Variants in IGSF5 observed in about 807,000 individuals in gnomAD.
IGSF5 encodes the protein immunoglobulin superfamily member 5.
IGSF5 carries 41 observed loss-of-function variants against 39.4 expected under a neutral mutation model. That is an observed-to-expected ratio of 1.04 (90% CI 0.81 to 1.35). The LOEUF is 1.35. IGSF5 is among the 40% of genes most tolerant of loss of function. The probability of loss-of-function intolerance (pLI) is 0.00; values close to 1 mark genes in which losing one functional copy is unlikely to be tolerated. For missense variants in IGSF5, 487 were observed against 494.6 expected, an observed-to-expected ratio of 0.98 and a Z score of 0.15; for synonymous variants, 183 against 175.3, an observed-to-expected ratio of 1.04 and a Z score of -0.34.
At chr21:39,776,207 G>GATATAT (rs150607847) in intron 4 of IGSF5, among the ~76,000 whole-genome samples, 3 of 150,282 alleles carry the variant, frequency 2.0e-5, no homozygotes, top group Non-Finnish European at 4.4e-5. Flanking sequence ...TATGTGTATA[G>GATATAT]ATATAAAATA....
At chr21:39,719,861 TC>T in the IGSF5 span, among the ~76,000 whole-genome samples, 1 of 152,190 alleles carries the variant, frequency 6.6e-6, no homozygotes, top group Non-Finnish European at 1.5e-5. Context: ...GGGAGTCATT[TC>T]CACTGGCAAC....
upstream of IGSF5, among the ~76,000 whole-genome samples, chr21:39,743,937 C>T (rs2079959191): frequency 6.6e-6 from 1 of 152,086 alleles, no homozygotes; most frequent in Admixed American, 6.6e-5. Flanking sequence ...CTCCAGAATA[C>T]ATCTTAGGGG....
At chr21:39,783,150 A>G (rs1189387517) in intron 5 of IGSF5, among the ~76,000 whole-genome samples, 1 of 152,198 alleles carries the variant, frequency 6.6e-6, no homozygotes, top group Non-Finnish European at 1.5e-5. Context: ...TTGATTTCAT[A>G]TCTTAGCTAT....
At chr21:39,754,658 A>G (rs7275753) in intron 2 of IGSF5, among the ~76,000 whole-genome samples, 16,371 of 152,174 alleles carry the variant, frequency 0.11, 2,869 homozygotes, top group African/African-American at 0.37. Flanking sequence ...AAGACTAAAG[A>G]CTTTAAGAAT....
chr21:39,713,953 C>G, the IGSF5 span, among the ~76,000 whole-genome samples: 3 of 152,236 alleles, frequency 2.0e-5, no homozygotes, highest in African/African-American at 7.2e-5. Flanking sequence ...AGTGGACCAA[C>G]ATGATGCACT....
At chr21:39,759,832 C>G (rs1460799700) in intron 2 of IGSF5, among the ~76,000 whole-genome samples, 1 of 150,454 alleles carries the variant, frequency 6.6e-6, no homozygotes, top group Non-Finnish European at 1.5e-5. Context: ...GTGACACTGC[C>G]CTCCAGCTTG....
intron 3 of IGSF5, among the ~76,000 whole-genome samples, chr21:39,770,321 G>A (rs550263279): frequency 6.6e-6 from 1 of 152,112 alleles, no homozygotes; most frequent in Non-Finnish European, 1.5e-5. Flanking sequence ...ATTTGGGTTA[G>A]TTATTTCTGT....
intron 2 of IGSF5, among the ~76,000 whole-genome samples, chr21:39,748,121 G>A (rs2079984761): frequency 6.6e-6 from 1 of 151,936 alleles, no homozygotes; most frequent in Admixed American, 6.6e-5. Flanking sequence ...CTAGAAGCAG[G>A]GTGGGTTAAA....
intron 2 of IGSF5, among the ~76,000 whole-genome samples, chr21:39,765,208 A>G (rs528609754): frequency 2.0e-4 from 30 of 152,324 alleles, no homozygotes; most frequent in African/African-American, 7.2e-4. Flanking sequence ...TTTCATCTTG[A>G]GATCCTTACC....
chr21:39,733,437 C>T, the IGSF5 span, among the ~76,000 whole-genome samples: 1,854 of 152,160 alleles, frequency 0.012, 22 homozygotes, highest in Middle Eastern at 0.031. Context: ...CTTCTAATAG[C>T]GAAAGTGGTG....
chr21:39,757,300 C>T (rs1249075796), intron 2 of IGSF5, among the ~76,000 whole-genome samples: 1 of 146,256 alleles, frequency 6.8e-6, no homozygotes, highest in Admixed American at 7.1e-5. Context: ...AATGTGAGCT[C>T]ATGAGGGCAG....
chr21:39,760,923 A>G (rs2080058737), intron 2 of IGSF5, among the ~76,000 whole-genome samples: 2 of 152,154 alleles, frequency 1.3e-5, no homozygotes, highest in Non-Finnish European at 2.9e-5. Context: ...ATCCTAAATG[A>G]TGGAAATCTT....
the IGSF5 span, among the ~76,000 whole-genome samples, chr21:39,718,289 A>G: frequency 0.11 from 16,221 of 152,086 alleles, 1,151 homozygotes; most frequent in East Asian, 0.22. Flanking sequence ...CATGTCATCT[A>G]CAAAAAGAGA....
At chr21:39,729,050 A>T in the IGSF5 span, 1 of 152,288 alleles carries the variant, frequency 6.6e-6, no homozygotes, top group Admixed American at 6.5e-5. Flanking sequence ...CACCTGGATT[A>T]GTTGATATCT....
intron 2 of IGSF5, among the ~76,000 whole-genome samples, chr21:39,750,705 T>C (rs1300203680): frequency 1.3e-5 from 2 of 151,978 alleles, no homozygotes; most frequent in Non-Finnish European, 2.9e-5. Context: ...TTACTCCTAA[T>C]GGCTGTCTCA....
chr21:39,791,978 T>C, intron 6 of IGSF5, 30 bp from the exon 7 acceptor site: 1 of 1,479,836 alleles, frequency 6.8e-7, no homozygotes, highest in Non-Finnish European at 9.4e-7. Context: ...TGCCAACAAT[T>C]AACATGAACA....
chr21:39,784,121 T>C (rs188702980), intron 5 of IGSF5, among the ~76,000 whole-genome samples: 14 of 152,340 alleles, frequency 9.2e-5, no homozygotes, highest in African/African-American at 3.1e-4. Flanking sequence ...GAAGCAGAAA[T>C]TGAAAGGCAG....
At chr21:39,786,742 A>G (rs946138622) in intron 5 of IGSF5, among the ~76,000 whole-genome samples, 4 of 152,354 alleles carry the variant, frequency 2.6e-5, no homozygotes, top group African/African-American at 9.6e-5. Flanking sequence ...GATTAAGAAA[A>G]TGTGGCACAT....
At chr21:39,793,176 C>G (rs2086975490) in intron 7 of IGSF5, among the ~76,000 whole-genome samples, 1 of 152,132 alleles carries the variant, frequency 6.6e-6, no homozygotes, top group Non-Finnish European at 1.5e-5. Context: ...GAGCAATTGA[C>G]TATCTTGACA....
Sources: gnomAD v4.1 joint callset for allele counts (sites outside exome capture counted in the v4.1 genomes callset) on GRCh38, gnomAD v4.1.1 for gene constraint, MANE v1.5 for transcripts, NCBI Gene and HGNC (gene_info 2026-07-23, HGNC 2026-07-21) for gene names.